The following GLDC variants were observed in gnomAD, a reference collection of about 807,000 sequenced individuals.
GLDC encodes glycine decarboxylase, also known as glycine dehydrogenase (decarboxylating), mitochondrial.
A neutral mutation model predicts 121.3 loss-of-function variants in GLDC; 104 were observed. That is an observed-to-expected ratio of 0.86 (90% CI 0.73 to 1.01). GLDC has a LOEUF of 1.01. Among genes scored for constraint, GLDC ranks in the 50% least tolerant of loss-of-function variants. The pLI is 0.00. For synonymous variants in GLDC, 546 were observed against 480.6 expected (o/e 1.14, Z -1.78); for missense variants, 1,429 against 1,306.6 (o/e 1.09, Z -1.44).
intron 15 of GLDC, among the ~76,000 whole-genome samples, chr9:6,577,826 C>T (rs1483243106): frequency 2.0e-5 from 3 of 151,414 alleles, no homozygotes; most frequent in Non-Finnish European, 4.4e-5. Flanking sequence ...TTTTTTTTTG[C>T]TCGAATCCTG....
intron 15 of GLDC, among the ~76,000 whole-genome samples, chr9:6,585,939 G>C (rs575961175): frequency 1.3e-5 from 2 of 149,230 alleles, no homozygotes; most frequent in East Asian, 3.9e-4. Flanking sequence ...AAGGCAGAGA[G>C]ACCACAAATC....
intron 2 of GLDC, among the ~76,000 whole-genome samples, chr9:6,638,826 T>C (rs766426771): frequency 1.3e-5 from 2 of 151,900 alleles, no homozygotes; most frequent in Non-Finnish European, 2.9e-5. Flanking sequence ...CTGACCAACA[T>C]AGTGAAACCC....
At chr9:6,574,367 C>T (rs531398989) in intron 15 of GLDC, among the ~76,000 whole-genome samples, 38 of 150,508 alleles carry the variant, frequency 2.5e-4, no homozygotes, top group African/African-American at 8.5e-4. Flanking sequence ...CTTGGGAGGC[C>T]GAGACAGAAG....
chr9:6,612,217 ACT>A (rs1179416866), intron 3 of GLDC, among the ~76,000 whole-genome samples: 197 of 149,400 alleles, frequency 1.3e-3, no homozygotes, highest in African/African-American at 4.3e-3. Flanking sequence ...ACAAACACAC[ACT>A]CTCTCACACA....
intron 2 of GLDC, among the ~76,000 whole-genome samples, chr9:6,635,514 T>TAA (rs1357092736): frequency 1.3e-5 from 2 of 152,150 alleles, no homozygotes; most frequent in Non-Finnish European, 2.9e-5. Flanking sequence ...GAGGTTAGAG[T>TAA]AAGTTATAGT....
chr9:6,620,134 G>A (rs1171553875), intron 3 of GLDC, 50 bp downstream of exon 3: 2 of 1,580,714 alleles, frequency 1.3e-6, no homozygotes, highest in South Asian at 2.2e-5. Flanking sequence ...AGGATGGAGA[G>A]AATTATGCAA....
At chr9:6,575,004 G>A (rs1818036246) in intron 15 of GLDC, among the ~76,000 whole-genome samples, 1 of 152,054 alleles carries the variant, frequency 6.6e-6, no homozygotes, top group South Asian at 2.1e-4. Flanking sequence ...CCAACCCAGT[G>A]ATGCACATTA....
At chr9:6,555,297 G>T (rs1238021079) in intron 18 of GLDC, among the ~76,000 whole-genome samples, 1 of 152,176 alleles carries the variant, frequency 6.6e-6, no homozygotes, top group Non-Finnish European at 1.5e-5. Flanking sequence ...CAGTCTTCCC[G>T]AGATGACCCA....
At position 6,602,171 on chromosome 9, in the gene GLDC, G is replaced by C. The variant is rs1818624199; in HGVS notation, c.1093C>G (p.Leu365Val). Residue 365 changes from leucine to valine, a missense_variant, in exon 8 of 25, where the codon CTT (leucine) becomes GTT (valine). Coordinates refer to ENST00000321612, the MANE Select transcript of GLDC (RefSeq NM_000170.3). ...CGAATGTGTTGCTCCCTGGTTTGAA[G>C]AGCAAGACGATACACTTCTTTCCCA... The part of the protein sequence containing the change: ...ATGKEVYRLA[L>V]QTREQHIRRD... 6.2e-7 allele frequency: 1 copy of C among 1,612,980 alleles called. No individual in the cohort carries two copies. Among genetic ancestry groups the C allele is most frequent in the Non-Finnish European group, 8.5e-7 (1 of 1,179,110 alleles).
intron 20 of GLDC, among the ~76,000 whole-genome samples, 194 bp downstream of exon 20, chr9:6,553,174 G>A (rs1004137102): frequency 2.0e-5 from 3 of 152,270 alleles, no homozygotes; most frequent in Admixed American, 6.5e-5. Flanking sequence ...GTGTAATGAA[G>A]GAGAGATGAA....
intron 22 of GLDC, among the ~76,000 whole-genome samples, chr9:6,537,402 A>G (rs1414590557): frequency 1.3e-5 from 2 of 152,182 alleles, no homozygotes; most frequent in African/African-American, 2.4e-5. Flanking sequence ...GTGGTTCTCA[A>G]ATTCTGGTGA....
rs193049097 is a variant in GLDC at position 6,611,238 on chromosome 9, G to C, written c.471-882C>G. Among the ~76,000 whole-genome samples the C allele has an allele frequency of 8.1e-4, 124 of 152,328 alleles. 2 individuals carry two copies. Among genetic ancestry groups the C allele is most frequent in the Non-Finnish European group, 1.6e-3 (109 of 68,038 alleles). On this transcript the variant is annotated intron_variant, in intron 3 of 24. Transcript: ENST00000321612. Reference sequence around the variant, plus strand: ...CCTTCAATTATTAGCCAAGAATGTGGCTTTGGATATGTCAGTTAGCCAATT... The same window carrying C: ...CCTTCAATTATTAGCCAAGAATGTGCCTTTGGATATGTCAGTTAGCCAATT...
chr9:6,568,102 G>T (rs10975647), intron 15 of GLDC, among the ~76,000 whole-genome samples: 1,681 of 152,168 alleles, frequency 0.011, 29 homozygotes, highest in African/African-American at 0.037. Flanking sequence ...GTGTAGACTA[G>T]GAATGAAGGA....
At chr9:6,583,453 T>C (rs1818209584) in intron 15 of GLDC, among the ~76,000 whole-genome samples, 1 of 151,972 alleles carries the variant, frequency 6.6e-6, no homozygotes, top group African/African-American at 2.4e-5. Context: ...GGCAGGAGGA[T>C]CACTTCAGGT....
At chr9:6,644,029 C>CAAAAAAAAAAAAAAAAA (rs531081758) in intron 2 of GLDC, among the ~76,000 whole-genome samples, 2 of 18,330 alleles carry the variant, frequency 1.1e-4, no homozygotes, top group Admixed American at 8.3e-4. Context: ...GATTCTGTCT[C>CAAAAAAAAAAAAAAAAA]AAAAAAAAAA....
intron 15 of GLDC, among the ~76,000 whole-genome samples, chr9:6,580,755 C>T (rs751468916): frequency 6.6e-6 from 1 of 152,240 alleles, no homozygotes; most frequent in African/African-American, 2.4e-5. Flanking sequence ...CTCCATAACA[C>T]TTCCTGATCC....
intron 15 of GLDC, among the ~76,000 whole-genome samples, chr9:6,583,908 G>C (rs1818217540): frequency 6.6e-6 from 1 of 152,192 alleles, no homozygotes; most frequent in Non-Finnish European, 1.5e-5. Flanking sequence ...CAGGTCCTGA[G>C]CTTGAATTTG....
At chr9:6,581,264 G>A (rs1356645906) in intron 15 of GLDC, among the ~76,000 whole-genome samples, 1 of 152,198 alleles carries the variant, frequency 6.6e-6, no homozygotes, top group African/African-American at 2.4e-5. Flanking sequence ...GTTCCATCCA[G>A]TCTCCCTCAG....
At chr9:6,543,150 C>T (rs1458933355) in intron 21 of GLDC, among the ~76,000 whole-genome samples, 1 of 152,030 alleles carries the variant, frequency 6.6e-6, no homozygotes, top group Non-Finnish European at 1.5e-5. Context: ...TGGCAGACAT[C>T]TGTAGTTCCA....
Sources: gnomAD v4.1 joint callset for allele counts (sites outside exome capture counted in the v4.1 genomes callset) on GRCh38, gnomAD v4.1.1 for gene constraint, MANE v1.5 for transcripts, NCBI Gene and HGNC (gene_info 2026-07-23, HGNC 2026-07-21) for gene names.